Variants in GPC6 observed in about 807,000 individuals in gnomAD.
GPC6 encodes glypican-6.
In GPC6, 14 loss-of-function variants were observed where a neutral mutation model predicts 55.2. That is an observed-to-expected ratio of 0.25 (90% CI 0.17 to 0.40). The LOEUF is 0.40. Ranked by LOEUF, GPC6 falls within the 10% of genes least tolerant of loss-of-function variation. The pLI is 1.00. For synonymous variants in GPC6, 278 were observed against 259.6 expected, an observed-to-expected ratio of 1.07 and a Z score of -0.68; for missense variants, 641 against 708.5, an observed-to-expected ratio of 0.90 and a Z score of 1.08.
chr13:93,366,724 T>A (rs1881263548), intron 1 of GPC6, among the ~76,000 whole-genome samples: 1 of 152,074 alleles, frequency 6.6e-6, no homozygotes. Flanking sequence ...AGACTTGAAA[T>A]ACAACAGGGA....
intron 1 of GPC6, among the ~76,000 whole-genome samples, chr13:93,261,403 G>T (rs1186502006): frequency 6.6e-6 from 1 of 152,050 alleles, no homozygotes; most frequent in Admixed American, 6.5e-5. Context: ...AGCATTCACT[G>T]TGGTTTGACA....
rs200661532 is a variant in GPC6 at position 93,725,779 on chromosome 13, C to CA, written c.320-104370dup. On this transcript the variant is annotated intron_variant, in intron 2 of 8. Transcript: ENST00000377047. ...TTAAAACTAGCCATTTGTAAAATAC[C>CA]AAAAATACCAAAAATAAAAAGAAGA... Among the ~76,000 whole-genome samples the CA allele has an allele frequency of 8.2e-3, 1,240 of 151,870 alleles. 16 individuals are homozygous for CA. Among genetic ancestry groups the CA allele is most frequent in the African/African-American group, 0.028 (1,165 of 41,420 alleles).
chr13:94,300,825 G>A (rs1211794048), intron 5 of GPC6, among the ~76,000 whole-genome samples: 1 of 152,136 alleles, frequency 6.6e-6, no homozygotes, highest in Admixed American at 6.5e-5. Context: ...ATCCTGCAGC[G>A]ATAACCTCTA....
At chr13:93,232,062 C>G (rs1314491165) in intron 1 of GPC6, among the ~76,000 whole-genome samples, 1 of 151,562 alleles carries the variant, frequency 6.6e-6, no homozygotes, top group Non-Finnish European at 1.5e-5. Flanking sequence ...GCTCCCCCGG[C>G]AAACCAACTA....
intron 1 of GPC6, among the ~76,000 whole-genome samples, chr13:93,444,195 C>CTTCTTCTT (rs755978023): frequency 9.0e-6 from 1 of 110,680 alleles, no homozygotes; most frequent in African/African-American, 3.3e-5. Context: ...TGCAATTCTT[C>CTTCTTCTT]TTTTTTTTTT....
intron 4 of GPC6, among the ~76,000 whole-genome samples, chr13:94,191,937 T>G (rs1451548130): frequency 6.6e-6 from 1 of 152,192 alleles, no homozygotes; most frequent in African/African-American, 2.4e-5. Context: ...TGGATTCATA[T>G]GAAAAATATC....
chr13:93,298,868 C>T (rs1477090532), intron 1 of GPC6, among the ~76,000 whole-genome samples: 1 of 150,876 alleles, frequency 6.6e-6, no homozygotes, highest in Non-Finnish European at 1.5e-5. Flanking sequence ...CAATCCCTTC[C>T]GTTGGTACCA....
chr13:93,830,465 G>A lies in GPC6; in HGVS notation c.631G>A (p.Val211Ile). 1.9e-6 allele frequency: 3 copies of A among 1,613,854 alleles called. No homozygotes were observed. In the African/African-American group the frequency reaches 4.0e-5, roughly 22 times the overall value. The change falls in exon 3 of 9, where the codon GTT (valine) becomes ATT (isoleucine). Residue 211 changes from valine (V) to isoleucine (I), a missense_variant. Transcript: ENST00000377047. ...CGTGCCCCGGAAACTGAAGATTCAGGTTACCCGCGCCTTCATTGCTGCCAG... is the reference window on the plus strand; with the variant it reads ...CGTGCCCCGGAAACTGAAGATTCAGATTACCCGCGCCTTCATTGCTGCCAG... ...GDVPRKLKIQ[V>I]TRAFIAARTF...
At chr13:93,902,050 A>T (rs1876387587) in intron 3 of GPC6, among the ~76,000 whole-genome samples, 1 of 152,122 alleles carries the variant, frequency 6.6e-6, no homozygotes, top group South Asian at 2.1e-4. Flanking sequence ...TACATTTATA[A>T]TTTCCTTGTG....
At chr13:94,188,693 G>A (rs1889284827) in intron 4 of GPC6, among the ~76,000 whole-genome samples, 1 of 152,130 alleles carries the variant, frequency 6.6e-6, no homozygotes, top group African/African-American at 2.4e-5. Context: ...GCTGTTCTGA[G>A]GATTGGCTGC....
chr13:93,225,755 TATC>T (rs1419262431), upstream of GPC6, among the ~76,000 whole-genome samples: 4 of 152,192 alleles, frequency 2.6e-5, no homozygotes, highest in East Asian at 5.8e-4. Context: ...TGGTCATTCA[TATC>T]ATCATCAGGA....
At chr13:93,428,727 T>C (rs536112344) in intron 1 of GPC6, among the ~76,000 whole-genome samples, 4 of 152,174 alleles carry the variant, frequency 2.6e-5, no homozygotes, top group African/African-American at 7.2e-5. Flanking sequence ...AGGAATCTTA[T>C]GGAGAGAGGA....
chr13:93,442,437 T>C (rs1023820027), intron 1 of GPC6, among the ~76,000 whole-genome samples: 2 of 152,318 alleles, frequency 1.3e-5, no homozygotes, highest in South Asian at 4.1e-4. Flanking sequence ...GTACCTGAAA[T>C]GAATGAATGT....
intron 2 of GPC6, among the ~76,000 whole-genome samples, chr13:93,614,034 G>A (rs530068419): frequency 6.6e-6 from 1 of 152,246 alleles, no homozygotes; most frequent in Admixed American, 6.5e-5. Context: ...AACCTCAAAT[G>A]CTGTAAAGCT....
At chr13:93,368,334 T>TC (rs1881327194) in intron 1 of GPC6, among the ~76,000 whole-genome samples, 1 of 101,862 alleles carries the variant, frequency 9.8e-6, no homozygotes, top group Non-Finnish European at 1.9e-5. Context: ...CCTCCCTCCC[T>TC]GCTTTCCTTC....
At chr13:93,376,282 G>A (rs1449110048) in intron 1 of GPC6, among the ~76,000 whole-genome samples, 1 of 152,090 alleles carries the variant, frequency 6.6e-6, no homozygotes, top group Non-Finnish European at 1.5e-5. Flanking sequence ...CTGAACTCAT[G>A]TAACCCAGCC....
chr13:93,760,790 T>C (rs1157400896), intron 2 of GPC6, among the ~76,000 whole-genome samples: 1 of 152,230 alleles, frequency 6.6e-6, no homozygotes, highest in Non-Finnish European at 1.5e-5. Flanking sequence ...ATTTGAAACT[T>C]GCCTTTTTGT....
At chr13:93,634,675 A>G (rs2139576693) in intron 2 of GPC6, among the ~76,000 whole-genome samples, 1 of 152,278 alleles carries the variant, frequency 6.6e-6, no homozygotes, top group East Asian at 1.9e-4. Context: ...TTGAGTTTCT[A>G]GAAGCATGAA....
At chr13:93,514,309 A>G (rs1050675257) in intron 1 of GPC6, among the ~76,000 whole-genome samples, 1 of 152,184 alleles carries the variant, frequency 6.6e-6, no homozygotes, top group Non-Finnish European at 1.5e-5. Flanking sequence ...TCAATCCCAG[A>G]ATACAAGAAG....
Sources: allele counts gnomAD v4.1 joint callset (sites outside exome capture counted in the v4.1 genomes callset), GRCh38; gene constraint gnomAD v4.1.1; transcripts MANE v1.5; gene names NCBI Gene and HGNC (gene_info 2026-07-23, HGNC 2026-07-21).